The following KLHL3 variants were observed in gnomAD, a reference collection of about 807,000 sequenced individuals.
KLHL3 encodes the protein kelch like family member 3, also known as kelch-like protein 3.
In KLHL3, 19 loss-of-function variants were observed where a neutral mutation model predicts 70.5. That is an observed-to-expected ratio of 0.27 (90% CI 0.19 to 0.40). KLHL3 has a LOEUF of 0.40. Ranked by LOEUF, KLHL3 falls within the 10% of genes least tolerant of loss-of-function variation. KLHL3 has a pLI of 1.00. For synonymous variants in KLHL3, 258 were observed against 290.3 expected (o/e 0.89, Z 1.13); for missense variants, 512 against 771.1 (o/e 0.66, Z 3.98).
At chr5:137,643,297 A>G (rs2149887538) in intron 8 of KLHL3, among the ~76,000 whole-genome samples, 1 of 150,936 alleles carries the variant, frequency 6.6e-6, no homozygotes, top group East Asian at 2.0e-4. Flanking sequence ...GGCTGCAGTG[A>G]GTTGTGATTG....
chr5:137,696,875 C>T (rs1752457054), intron 4 of KLHL3, among the ~76,000 whole-genome samples: 1 of 152,164 alleles, frequency 6.6e-6, no homozygotes, highest in African/African-American at 2.4e-5. Context: ...AGTATGACTG[C>T]TGGTACCTCC....
At chr5:137,699,150 G>C (rs1752512983) in intron 3 of KLHL3, among the ~76,000 whole-genome samples, 1 of 152,194 alleles carries the variant, frequency 6.6e-6, no homozygotes, top group South Asian at 2.1e-4. Flanking sequence ...GGGAACTCCA[G>C]TCAGGCATCC....
intron 5 of KLHL3, among the ~76,000 whole-genome samples, chr5:137,682,950 C>A (rs1752070217): frequency 6.6e-6 from 1 of 152,064 alleles, no homozygotes; most frequent in African/African-American, 2.4e-5. Context: ...AAGCTCAGAA[C>A]AAATGGAATG....
At chr5:137,656,200 G>GTTTACA in intron 8 of KLHL3, among the ~76,000 whole-genome samples, 2 of 136,118 alleles carry the variant, frequency 1.5e-5, no homozygotes, top group Non-Finnish European at 3.1e-5. Flanking sequence ...ACACAGAAAT[G>GTTTACA]TTTACATTAC....
At chr5:137,735,592 T>TA in intron 1 of KLHL3, 41 bp downstream of exon 1, 1 of 1,492,590 alleles carries the variant, frequency 6.7e-7, no homozygotes, top group Non-Finnish European at 9.4e-7. Flanking sequence ...CACATACACT[T>TA]ACATACACAC....
intron 14 of KLHL3, among the ~76,000 whole-genome samples, chr5:137,625,181 A>G (rs1750428929): frequency 6.6e-6 from 1 of 152,272 alleles, no homozygotes; most frequent in Non-Finnish European, 1.5e-5. Context: ...CCAGCCACGC[A>G]GTAAAGGACA....
chr5:137,676,775 G>C (rs1345874231), intron 6 of KLHL3, among the ~76,000 whole-genome samples: 1 of 152,218 alleles, frequency 6.6e-6, no homozygotes, highest in African/African-American at 2.4e-5. Flanking sequence ...TACTGGAGCT[G>C]AGATTTGGAC....
At chr5:137,723,256 C>A (rs1753031857) in intron 1 of KLHL3, among the ~76,000 whole-genome samples, 1 of 152,132 alleles carries the variant, frequency 6.6e-6, no homozygotes, top group African/African-American at 2.4e-5. Context: ...AGTGTCTTCA[C>A]TAGCTTGTCA....
chr5:137,627,238 G>GT (rs577649786), intron 13 of KLHL3, among the ~76,000 whole-genome samples: 7 of 152,008 alleles, frequency 4.6e-5, no homozygotes, highest in African/African-American at 7.3e-5. Context: ...TGTAAAGTGA[G>GT]TTTTTTTAAA....
rs1267987227 is a variant in KLHL3, at chr5:137,620,483, T to C, written c.*1615A>G. ...CCAACATCAGGATTTATAAAGTTCC[T>C]TGGCTTCCTGTAGGTGGATTCTCAA... On this transcript the variant is annotated 3_prime_UTR_variant, in exon 15 of 15. Coordinates refer to ENST00000309755, the MANE Select transcript of KLHL3 (RefSeq NM_017415.3). The C allele has an allele frequency of 2.0e-5, 3 of 152,238 alleles. No homozygotes were observed. The highest frequency in any genetic ancestry group is 2.0e-4 in the Admixed American group (3 of 15,286). 9.4% of individuals were successfully genotyped at this position (152,238 alleles called of 1,614,324 possible).
chr5:137,637,473 A>T lies in KLHL3; in HGVS notation c.1220-78T>A, dbSNP rs74471269. On this transcript the variant is annotated intron_variant, in intron 10 of 14. Transcript: ENST00000309755. ...GTGTGAGAAGCAGTGAGGATGGGGGAGGAGTCCAAATGCATGGGCTGGAAA... is the reference window on the plus strand; with the variant it reads ...GTGTGAGAAGCAGTGAGGATGGGGGTGGAGTCCAAATGCATGGGCTGGAAA... 2,120 of 1,283,692 alleles carry T rather than the reference A, an allele frequency of 1.7e-3. 32 individuals carry two copies. In the African/African-American group the frequency reaches 0.026, roughly 16 times the overall value. 79.5% of individuals were successfully genotyped at this position (1,283,692 alleles called of 1,614,324 possible). A position where few individuals can be genotyped will look rare whatever the true frequency, so the allele number is the denominator to read the frequency against.
At chr5:137,726,550 C>T (rs1427336432) in intron 1 of KLHL3, among the ~76,000 whole-genome samples, 1 of 152,180 alleles carries the variant, frequency 6.6e-6, no homozygotes, top group Admixed American at 6.5e-5. Flanking sequence ...GCTCTTCCTT[C>T]TCTGAATTCC....
chr5:137,726,078 C>T (rs986407973), intron 1 of KLHL3, among the ~76,000 whole-genome samples: 3 of 152,136 alleles, frequency 2.0e-5, no homozygotes, highest in African/African-American at 7.2e-5. Context: ...TCCTGCACAC[C>T]ATCGCCAAAC....
intron 3 of KLHL3, among the ~76,000 whole-genome samples, chr5:137,702,654 C>A (rs1050039942): frequency 6.6e-6 from 1 of 152,136 alleles, no homozygotes; most frequent in Non-Finnish European, 1.5e-5. Context: ...ATCACTGTAG[C>A]CACAGTGTGG....
chr5:137,633,053 G>C (rs1750676753), intron 12 of KLHL3, among the ~76,000 whole-genome samples: 1 of 152,118 alleles, frequency 6.6e-6, no homozygotes, highest in Non-Finnish European at 1.5e-5. Flanking sequence ...GGCCGAGGCA[G>C]GTGGATCATG....
At chr5:137,726,753 C>G (rs1580789549) in intron 1 of KLHL3, among the ~76,000 whole-genome samples, 1 of 152,102 alleles carries the variant, frequency 6.6e-6, no homozygotes, top group African/African-American at 2.4e-5. Flanking sequence ...ACAGTAGGTC[C>G]TCATGACATA....
chr5:137,636,148 C>T (rs1313340301), intron 11 of KLHL3, among the ~76,000 whole-genome samples: 1 of 152,062 alleles, frequency 6.6e-6, no homozygotes, highest in East Asian at 1.9e-4. Flanking sequence ...AAAATCCTTG[C>T]CCTCACATAG....
intron 5 of KLHL3, among the ~76,000 whole-genome samples, chr5:137,689,464 T>A (rs2149915874): frequency 6.6e-6 from 1 of 152,232 alleles, no homozygotes; most frequent in Admixed American, 6.5e-5. Context: ...ATAAAGAAAA[T>A]GTGGTACACC....
intron 5 of KLHL3, among the ~76,000 whole-genome samples, chr5:137,685,924 G>A (rs1009522887): frequency 6.6e-6 from 1 of 152,218 alleles, no homozygotes; most frequent in Admixed American, 6.5e-5. Context: ...GGGTAGGATT[G>A]TGGTATAATT....
Sources: gnomAD v4.1 joint callset for allele counts (sites outside exome capture counted in the v4.1 genomes callset) on GRCh38, gnomAD v4.1.1 for gene constraint, MANE v1.5 for transcripts, NCBI Gene and HGNC (gene_info 2026-07-23, HGNC 2026-07-21) for gene names.